ZSWIM6: variants seen among roughly 807,000 people sequenced by gnomAD.
ZSWIM6 encodes the protein zinc finger SWIM domain-containing protein 6.
ZSWIM6 carries 9 observed loss-of-function variants against 113.2 expected under a neutral mutation model. The observed-to-expected ratio is 0.08, with a 90% CI of 0.05 to 0.14. The LOEUF is 0.14. ZSWIM6 is among the 10% of genes least tolerant of loss of function. ZSWIM6 has a pLI of 1.00. For missense variants in ZSWIM6, 1,162 were observed against 1,552.2 expected (o/e 0.75, Z 4.22); for synonymous variants, 611 against 606.5 (o/e 1.01, Z -0.11).
chr5:61,415,929 T>C (rs193173420), intron 1 of ZSWIM6, among the ~76,000 whole-genome samples: 1 of 152,276 alleles, frequency 6.6e-6, no homozygotes, highest in East Asian at 1.9e-4. Flanking sequence ...TGAAAGGTAA[T>C]GGGAGCTTAA....
chr5:61,398,016 A>G (rs748010700), intron 1 of ZSWIM6, among the ~76,000 whole-genome samples: 3 of 152,164 alleles, frequency 2.0e-5, no homozygotes, highest in East Asian at 3.9e-4. Flanking sequence ...TAGAATCTCA[A>G]TAGTATTTCA....
chr5:61,458,630 C>A (rs1378711861), intron 1 of ZSWIM6, among the ~76,000 whole-genome samples: 1 of 152,100 alleles, frequency 6.6e-6, no homozygotes, highest in Admixed American at 6.6e-5. Flanking sequence ...GTAATCCCAG[C>A]ACTTTGGGAG....
intron 4 of ZSWIM6, among the ~76,000 whole-genome samples, chr5:61,516,098 GT>G (rs1186149639): frequency 6.6e-6 from 1 of 151,434 alleles, no homozygotes; most frequent in Non-Finnish European, 1.5e-5. Context: ...TTTGGGTCTT[GT>G]TTTTTAGCCT....
rs1321179563 is a variant in ZSWIM6 at position 61,538,888 on chromosome 5, A to C, written c.2456A>C (p.Asn819Thr). ...RPHHIASVVP[N>T]RYPRWFTLSH... The stretch of plus-strand genomic sequence containing the variant: ...CACCACATTGCATCAGTTGTTCCCA[A>C]CCGCTACCCTCGCTGGTTCACTCTA... The change falls in exon 11 of 14, where the codon AAC becomes ACC. Residue 819 changes from asparagine to threonine, a missense_variant. By Grantham distance (65) the Asn-to-Thr change is moderately conservative (BLOSUM62 0). This residue lies in a region of ZSWIM6 where 620 missense variants were observed against 804.6 expected (regional missense o/e 0.77). Coordinates refer to ENST00000252744, the MANE Select transcript of ZSWIM6 (RefSeq NM_020928.2). The C allele has an allele frequency of 6.4e-7, 1 of 1,552,132 alleles. No individual in the cohort carries two copies. The highest frequency in any genetic ancestry group is 1.4e-5 in the African/African-American group (1 of 73,022).
At chr5:61,512,373 A>T (rs1245123968) in intron 4 of ZSWIM6, among the ~76,000 whole-genome samples, 1 of 152,130 alleles carries the variant, frequency 6.6e-6, no homozygotes, top group East Asian at 1.9e-4. Context: ...CAGTTGAAGG[A>T]CATCTAGATT....
chr5:61,442,159 G>A (rs763459315), intron 1 of ZSWIM6, among the ~76,000 whole-genome samples: 1 of 152,148 alleles, frequency 6.6e-6, no homozygotes, highest in Non-Finnish European at 1.5e-5. Context: ...ATCTGGTTAA[G>A]TTTCAGTTCC....
intron 4 of ZSWIM6, among the ~76,000 whole-genome samples, chr5:61,495,374 G>A (rs1295384777): frequency 6.6e-6 from 1 of 152,166 alleles, no homozygotes; most frequent in Admixed American, 6.6e-5. Context: ...ACATGACACT[G>A]TGTAATCTAG....
chr5:61,447,005 G>A (rs1746968016), intron 1 of ZSWIM6, among the ~76,000 whole-genome samples: 1 of 152,036 alleles, frequency 6.6e-6, no homozygotes, highest in African/African-American at 2.4e-5. Flanking sequence ...AAAATTTTGG[G>A]TAAAGCTGTT....
At chr5:61,401,028 A>G (rs988434535) in intron 1 of ZSWIM6, among the ~76,000 whole-genome samples, 2 of 152,138 alleles carry the variant, frequency 1.3e-5, no homozygotes, top group African/African-American at 4.8e-5. Context: ...TCTGTTTTGA[A>G]AATTCTGTAT....
At chr5:61,399,042 C>T (rs894597740) in intron 1 of ZSWIM6, among the ~76,000 whole-genome samples, 2 of 149,992 alleles carry the variant, frequency 1.3e-5, no homozygotes, top group African/African-American at 4.9e-5. Context: ...CCTGCCTCAG[C>T]CTCCCAAGTA....
intron 5 of ZSWIM6, among the ~76,000 whole-genome samples, chr5:61,524,747 A>G (rs1032980844): frequency 2.6e-5 from 4 of 152,124 alleles, no homozygotes; most frequent in African/African-American, 9.7e-5. Flanking sequence ...GAAGCTCTAG[A>G]TTTTGCTTCT....
rs541516701 is a variant in ZSWIM6 at position 61,376,616 on chromosome 5, A to T, written c.676+43668A>T. Among the ~76,000 whole-genome samples the T allele has an allele frequency of 9.7e-4, 128 of 132,230 alleles. 1 individual carries two copies. Among genetic ancestry groups the T allele is most frequent in the Non-Finnish European group, 1.4e-3 (89 of 63,016 alleles). 86.7% of individuals were successfully genotyped at this position (132,230 alleles called of 152,430 possible). On this transcript the variant is annotated intron_variant, in intron 1 of 13. Transcript: ENST00000252744. ...AATAATGAATATTTTTTAGCATTAG[A>T]ATGTGTTATGTCATTTGAATTAATT...
At position 61,351,064 on chromosome 5, in the gene ZSWIM6, A is replaced by G. The variant is rs543647288; in HGVS notation, c.676+18116A>G. On this transcript the variant is annotated intron_variant, in intron 1 of 13. Coordinates refer to ENST00000252744, the MANE Select transcript of ZSWIM6 (RefSeq NM_020928.2). ...AAAAAATCTGTCTCATTACCATTAAAACACAAATTTCTCTATCCACAGATA... is the reference window on the plus strand; with the variant it reads ...AAAAAATCTGTCTCATTACCATTAAGACACAAATTTCTCTATCCACAGATA... Among the ~76,000 whole-genome samples, 11 of 152,340 alleles carry G rather than the reference A, an allele frequency of 7.2e-5. No homozygotes were observed. The East Asian group carries it at 1.9e-3, about 27-fold the overall frequency.
At chr5:61,355,080 A>T (rs544520120) in intron 1 of ZSWIM6, among the ~76,000 whole-genome samples, 1 of 152,100 alleles carries the variant, frequency 6.6e-6, no homozygotes, top group Non-Finnish European at 1.5e-5. Context: ...AATGTGACTG[A>T]TATTTTTTGT....
intron 1 of ZSWIM6, among the ~76,000 whole-genome samples, chr5:61,453,956 G>A (rs573964017): frequency 2.9e-4 from 44 of 152,006 alleles, no homozygotes; most frequent in African/African-American, 1.1e-3. Flanking sequence ...AATCTTCTTT[G>A]CAGCATTATT....
At chr5:61,350,000 CCA>C (rs1426072427) in intron 1 of ZSWIM6, among the ~76,000 whole-genome samples, 2 of 152,156 alleles carry the variant, frequency 1.3e-5, no homozygotes, top group African/African-American at 4.8e-5. Context: ...ACACTGGTCT[CCA>C]AAATGCTGAT....
intron 10 of ZSWIM6, among the ~76,000 whole-genome samples, 167 bp from the exon 11 acceptor site, chr5:61,538,647 A>G (rs562140466): frequency 4.5e-4 from 69 of 152,362 alleles, no homozygotes; most frequent in African/African-American, 1.6e-3. Context: ...CAAAAAATCT[A>G]GGTATTTTGC....
chr5:61,539,788 A>G (rs1166653113), intron 12 of ZSWIM6, 29 bp downstream of exon 12: 38 of 1,531,554 alleles, frequency 2.5e-5, no homozygotes, highest in Non-Finnish European at 3.2e-5. Flanking sequence ...TTCCTGGGAC[A>G]TCAAAGACTG....
chr5:61,505,341 T>G (rs1748573785), intron 4 of ZSWIM6, among the ~76,000 whole-genome samples: 1 of 152,180 alleles, frequency 6.6e-6, no homozygotes, highest in South Asian at 2.1e-4. Flanking sequence ...TTAAAACTTT[T>G]TAGTTTTTCC....
Sources: allele counts gnomAD v4.1 joint callset (sites outside exome capture counted in the v4.1 genomes callset), GRCh38; gene constraint gnomAD v4.1.1; regional missense constraint gnomAD v4.1.1; transcripts MANE v1.5; gene names NCBI Gene and HGNC (gene_info 2026-07-23, HGNC 2026-07-21).